IL15: variants seen among roughly 807,000 people sequenced by gnomAD.
IL15 encodes interleukin-15.
IL15 carries 11 observed loss-of-function variants against 19.6 expected under a neutral mutation model. The observed-to-expected ratio is 0.56, with a 90% confidence interval of 0.35 to 0.93. IL15 has a LOEUF of 0.93. Among genes scored for constraint, IL15 ranks in the 40% least tolerant of loss-of-function variants. The pLI is 0.01. For synonymous variants in IL15, 58 were observed against 59.6 expected (o/e 0.97, Z 0.12); for missense variants, 197 against 186.5 (o/e 1.06, Z -0.33).
chr4:141,682,218 T>TA (rs1212319666), intron 2 of IL15, among the ~76,000 whole-genome samples: 2 of 152,226 alleles, frequency 1.3e-5, no homozygotes, highest in African/African-American at 4.8e-5. Context: ...AGTTCACATA[T>TA]AAATGATTAA....
intron 1 of IL15, among the ~76,000 whole-genome samples, chr4:141,652,466 A>G (rs1403422339): frequency 6.6e-6 from 1 of 152,136 alleles, no homozygotes; most frequent in African/African-American, 2.4e-5. Flanking sequence ...CCCCCTTAGC[A>G]GTTTTATAAG....
At chr4:141,646,646 G>A (rs1173763943) in intron 1 of IL15, among the ~76,000 whole-genome samples, 2 of 151,996 alleles carry the variant, frequency 1.3e-5, no homozygotes, top group Non-Finnish European at 2.9e-5. Flanking sequence ...AGCTTATTCA[G>A]GTACTTCCTC....
intron 7 of IL15, among the ~76,000 whole-genome samples, chr4:141,730,992 T>G (rs913059655): frequency 6.6e-6 from 1 of 152,146 alleles, no homozygotes; most frequent in Non-Finnish European, 1.5e-5. Flanking sequence ...GTAGGGGCAC[T>G]GGGGCTCCAG....
At chr4:141,641,647 C>T (rs867051295) in intron 1 of IL15, among the ~76,000 whole-genome samples, 1 of 140,726 alleles carries the variant, frequency 7.1e-6, no homozygotes. Context: ...ACAATGAGAA[C>T]ACCTGGACAC....
chr4:141,673,861 G>T (rs1325704454), intron 2 of IL15, among the ~76,000 whole-genome samples: 1 of 152,016 alleles, frequency 6.6e-6, no homozygotes. Flanking sequence ...TAATATTCCA[G>T]CATAATTAAT....
At chr4:141,722,309 A>T (rs979352782) in intron 5 of IL15, among the ~76,000 whole-genome samples, 2 of 152,070 alleles carry the variant, frequency 1.3e-5, no homozygotes, top group Admixed American at 1.3e-4. Context: ...GAATGGCTTG[A>T]CCCAGGGAAC....
chr4:141,713,327 C>T (rs185862332), intron 2 of IL15, among the ~76,000 whole-genome samples: 25 of 152,200 alleles, frequency 1.6e-4, no homozygotes, highest in Admixed American at 9.2e-4. Flanking sequence ...TTATCAAAAC[C>T]GACTAGTTAT....
intron 1 of IL15, among the ~76,000 whole-genome samples, chr4:141,644,508 C>T (rs1727156324): frequency 6.6e-6 from 1 of 152,064 alleles, no homozygotes; most frequent in Admixed American, 6.6e-5. Context: ...CGTATGTGAC[C>T]CCTATACATG....
intron 2 of IL15, among the ~76,000 whole-genome samples, chr4:141,692,025 TC>T (rs1316547116): frequency 6.6e-6 from 1 of 152,208 alleles, no homozygotes; most frequent in African/African-American, 2.4e-5. Flanking sequence ...CCATACATCC[TC>T]TAAAATCTAG....
chr4:141,671,576 G>A (rs1485659910), intron 2 of IL15, among the ~76,000 whole-genome samples: 11 of 152,226 alleles, frequency 7.2e-5, no homozygotes, highest in African/African-American at 2.4e-4. Context: ...TCACTCACCT[G>A]TCTGGTGCCT....
At chr4:141,721,232 T>C in intron 4 of IL15, 3 of 767,154 alleles carry the variant, frequency 3.9e-6, no homozygotes, top group Non-Finnish European at 2.3e-6. Flanking sequence ...CTGTGTAAGA[T>C]CCATCAGGAA....
At chr4:141,707,792 C>T (rs1382757237) in intron 2 of IL15, among the ~76,000 whole-genome samples, 1 of 152,168 alleles carries the variant, frequency 6.6e-6, no homozygotes, top group Non-Finnish European at 1.5e-5. Flanking sequence ...AGAGAGCTGA[C>T]AAGCTGTCTG....
chr4:141,726,294 GT>G (rs1662395986), intron 5 of IL15, among the ~76,000 whole-genome samples: 1 of 152,058 alleles, frequency 6.6e-6, no homozygotes. Flanking sequence ...ATCACCCCAA[GT>G]TTTTTGGAGA....
chr4:141,676,283 G>A (rs1441793272), intron 2 of IL15, among the ~76,000 whole-genome samples: 7 of 152,124 alleles, frequency 4.6e-5, no homozygotes, highest in Non-Finnish European at 8.8e-5. Flanking sequence ...ATAAACACCA[G>A]CTGCCAGTCT....
At chr4:141,709,375 A>G (rs559408110) in intron 2 of IL15, among the ~76,000 whole-genome samples, 1 of 152,296 alleles carries the variant, frequency 6.6e-6, no homozygotes, top group East Asian at 1.9e-4. Flanking sequence ...ACTACATAAA[A>G]AGGTTGTTCA....
intron 2 of IL15, among the ~76,000 whole-genome samples, chr4:141,696,082 G>A (rs1324678286): frequency 1.3e-5 from 2 of 152,014 alleles, no homozygotes; most frequent in Non-Finnish European, 2.9e-5. Context: ...CACAGTTTTA[G>A]GCTTTACATT....
chr4:141,658,280 C>T (rs1174287205), intron 2 of IL15, among the ~76,000 whole-genome samples: 1 of 152,116 alleles, frequency 6.6e-6, no homozygotes, highest in African/African-American at 2.4e-5. Context: ...CCCAGTCATG[C>T]TTCCTGTATA....
intron 2 of IL15, among the ~76,000 whole-genome samples, chr4:141,681,291 TA>T (rs79077042): frequency 0.012 from 1,685 of 140,012 alleles, 13 homozygotes; most frequent in African/African-American, 0.023. Flanking sequence ...TTAACCTGTG[TA>T]AAAAAAAAAA....
At chr4:141,687,268 G>A (rs1447368794) in intron 2 of IL15, among the ~76,000 whole-genome samples, 5 of 152,228 alleles carry the variant, frequency 3.3e-5, no homozygotes. Flanking sequence ...GAAGTAGAAA[G>A]TAGCCAAGAG....
Sources: gnomAD v4.1 joint callset for allele counts (sites outside exome capture counted in the v4.1 genomes callset) on GRCh38, gnomAD v4.1.1 for gene constraint, MANE v1.5 for transcripts, NCBI Gene and HGNC (gene_info 2026-07-23, HGNC 2026-07-21) for gene names.